LYPD4: variants seen among roughly 807,000 people sequenced by gnomAD.
LYPD4 encodes the protein ly6/PLAUR domain-containing protein 4.
Under a neutral mutation model 18.2 loss-of-function variants are expected in LYPD4, and 20 were observed. That is an observed-to-expected ratio of 1.10 (90% confidence interval 0.77 to 1.59). The LOEUF (loss-of-function observed/expected upper bound fraction) is 1.59, where lower values mean the gene tolerates loss of function less well. Ranked by LOEUF, LYPD4 falls within the 40% of genes most tolerant of loss-of-function variation. The pLI, the probability that LYPD4 is intolerant of heterozygous loss-of-function variation, is 0.00. For missense variants in LYPD4, 278 were observed against 300.3 expected, an observed-to-expected ratio of 0.93 and a Z score of 0.55; for synonymous variants, 111 against 118.3, an observed-to-expected ratio of 0.94 and a Z score of 0.40.
chr19:41,838,772 T>C lies in LYPD4; in HGVS notation c.211+109A>G, dbSNP rs572686732. 116 of 745,324 alleles carry C rather than the reference T, an allele frequency of 1.6e-4. 1 individual carries two copies. In the South Asian group the frequency reaches 2.1e-3, roughly 13 times the overall value. 46.2% of individuals were successfully genotyped at this position (745,324 alleles called of 1,614,324 possible). On this transcript the variant is annotated intron_variant, in intron 3 of 4. Coordinates refer to ENST00000609812, the MANE Select transcript of LYPD4 (RefSeq NM_173506.7). Reference sequence around the variant, plus strand: ...AAATATATATACATATATATATATATGTATAGTAACTATGTGGAATTCTAA... The same window carrying C: ...AAATATATATACATATATATATATACGTATAGTAACTATGTGGAATTCTAA...
intron 1 of LYPD4, among the ~76,000 whole-genome samples, chr19:41,840,464 A>G (rs916007485): frequency 5.9e-5 from 9 of 152,204 alleles, no homozygotes; most frequent in Admixed American, 2.0e-4. Flanking sequence ...AACTGGAGGA[A>G]GGATCCAAGG....
rs782345244 is a variant in LYPD4, at chr19:41,838,141, C to T, written c.332G>A (p.Arg111Gln). Residue 111 changes from arginine (R) to glutamine (Q), a missense_variant, in exon 4 of 5, where the codon CGG (arginine) becomes CAG (glutamine). Transcript: ENST00000609812. ...VSIASYSRVC[R>Q]SYLCNNLTNL... is the part of the protein sequence containing the mutation. ...GGTGAGGTTGTTGCAGAGATAAGAC[C>T]GGCAGACGCGACTGTAGGAGGCAAT... 23 of 1,613,020 alleles carry T rather than the reference C, an allele frequency of 1.4e-5. No homozygotes were observed. Among genetic ancestry groups the T allele is most frequent in the Non-Finnish European group, 1.9e-5 (22 of 1,179,294 alleles).
rs782402902 is a variant in LYPD4, at chr19:41,840,762, G to A, written c.-120-1357C>T. Among the ~76,000 whole-genome samples, 10 of 151,918 alleles carry A rather than the reference G, an allele frequency of 6.6e-5. No homozygotes were observed. In the South Asian group the frequency reaches 8.3e-4, roughly 13 times the overall value. ...GGAGAATGGTGTGAACCCGGGAGGCGGAGCTTGCAGTGAGCCAAGATTGCG... is the reference window on the plus strand; with the variant it reads ...GGAGAATGGTGTGAACCCGGGAGGCAGAGCTTGCAGTGAGCCAAGATTGCG... On this transcript the variant is annotated intron_variant, in intron 1 of 4. Coordinates refer to ENST00000609812, the MANE Select transcript of LYPD4 (RefSeq NM_173506.7).
At chr19:41,840,111 C>G (rs2073530921) in intron 1 of LYPD4, among the ~76,000 whole-genome samples, 1 of 151,694 alleles carries the variant, frequency 6.6e-6, no homozygotes, top group African/African-American at 2.4e-5. Flanking sequence ...CACACACATT[C>G]ACACACAGAC....
At chr19:41,838,810 C>T (rs2073468887) in intron 3 of LYPD4, 71 bp downstream of exon 3, 7 of 1,447,440 alleles carry the variant, frequency 4.8e-6, no homozygotes, top group East Asian at 4.6e-5. Flanking sequence ...TACAGTCCCT[C>T]GGTGCTGGGA....
chr19:41,842,685 C>T (rs987025214), intron 1 of LYPD4, among the ~76,000 whole-genome samples: 2 of 142,080 alleles, frequency 1.4e-5, no homozygotes, highest in East Asian at 2.1e-4. Context: ...TGCTTGAACC[C>T]AGGAGGTGGA....
downstream of LYPD4, among the ~76,000 whole-genome samples, chr19:41,836,447 C>CT (rs141736913): frequency 6.0e-3 from 917 of 151,950 alleles, 8 homozygotes; most frequent in African/African-American, 0.021. Context: ...GTTTCACCTC[C>CT]TAGAGCTAGT....
chr19:41,841,284 G>A (rs1417551904), intron 1 of LYPD4, among the ~76,000 whole-genome samples: 1 of 151,744 alleles, frequency 6.6e-6, no homozygotes, highest in African/African-American at 2.4e-5. Context: ...TGCTTTGGGA[G>A]GCTGAGCCAG....
rs549358411 is a variant in LYPD4 at position 41,839,003 on chromosome 19, T to C, written c.89A>G (p.Tyr30Cys). 1.2e-6 allele frequency: 2 copies of C among 1,613,864 alleles called. No individual in the cohort carries two copies. The highest frequency in any genetic ancestry group is 2.7e-5 in the African/African-American group (2 of 74,992). ...TLPRAGALLC[Y>C]EATASRFRAV... Reference sequence around the variant, plus strand: ...TCTGAATCTTGAGGCTGTTGCTTCATAGCACAAAAGAGCTCCAGCCCCTAA... The same window carrying C: ...TCTGAATCTTGAGGCTGTTGCTTCACAGCACAAAAGAGCTCCAGCCCCTAA... The change falls in exon 3 of 5, where the codon TAT (tyrosine) becomes TGT (cysteine). Residue 30 changes from tyrosine (Y) to cysteine (C), a missense_variant. Coordinates refer to ENST00000609812, the MANE Select transcript of LYPD4 (RefSeq NM_173506.7).
intron 1 of LYPD4, among the ~76,000 whole-genome samples, chr19:41,840,110 T>A (rs1600553751): frequency 6.7e-6 from 1 of 149,604 alleles, no homozygotes; most frequent in African/African-American, 2.4e-5. Context: ...ACACACACAT[T>A]CACACACAGA....
At position 41,837,294 on chromosome 19, in the gene LYPD4, T is replaced by TG. The variant is rs1229785255; in HGVS notation, c.589dup (p.Gln197ProfsTer16). On this transcript the variant is annotated frameshift_variant, in exon 5 of 5. Transcript: ENST00000609812. LOFTEE classifies it low-confidence loss of function (END_TRUNC). ...AATATGATGAAAATCTGCTAAAAGC[T>TG]GGTTATGTTCACGAGCACACCCCAT... 9 of 1,613,924 alleles carry TG rather than the reference T, an allele frequency of 5.6e-6. No individual in the cohort carries two copies. Among genetic ancestry groups the TG allele is most frequent in the Non-Finnish European group, 7.6e-6 (9 of 1,179,950 alleles).
At chr19:41,836,964 C>G, downstream of LYPD4, 1 of 1,221,324 alleles carries the variant, frequency 8.2e-7, no homozygotes, top group Non-Finnish European at 1.1e-6. Context: ...CTGGGCAGGA[C>G]ACTGTCACTT....
chr19:41,844,448 G>A lies in LYPD4; in HGVS notation c.-991C>T, dbSNP rs2073769755. ...ATCACAACCGACACAAAGACAAGAA[G>A]AGACACAAGGAAAGGGGTGCAATCT... On this transcript the variant is annotated 5_prime_UTR_variant, in exon 1 of 5. Coordinates refer to ENST00000609812, the MANE Select transcript of LYPD4 (RefSeq NM_173506.7). The A allele has an allele frequency of 6.6e-6, 1 of 152,298 alleles. No homozygotes were observed. Among genetic ancestry groups the A allele is most frequent in the South Asian group, 2.1e-4 (1 of 4,826 alleles). 9.4% of individuals were successfully genotyped at this position (152,298 alleles called of 1,614,324 possible). A position where few individuals can be genotyped will look rare whatever the true frequency, so the allele number is the denominator to read the frequency against.
chr19:41,835,846 A>C, downstream of LYPD4: 1 of 985,398 alleles, frequency 1.0e-6, no homozygotes, highest in Non-Finnish European at 1.2e-6. Context: ...TGAGGAGTTA[A>C]GCCTGTGTCC....
chr19:41,844,547 G>A lies in LYPD4; in HGVS notation c.-1090C>T, dbSNP rs1210678039. The A allele has an allele frequency of 6.6e-6, 1 of 152,280 alleles. No individual in the cohort carries two copies. Among genetic ancestry groups the A allele is most frequent in the Non-Finnish European group, 1.5e-5 (1 of 68,100 alleles). The allele number at this position is 152,280 out of a possible 1,614,324, so 9.4% of individuals were successfully genotyped here. On this transcript the variant is annotated 5_prime_UTR_variant, in exon 1 of 5. Coordinates refer to ENST00000609812, the MANE Select transcript of LYPD4 (RefSeq NM_173506.7). ...GAACGCATAAAAGAAGGGTAGCTCA[G>A]GAGTTGTGGGGCACCGGAAGAGACA... is the stretch of plus-strand genomic sequence containing the variant.
Position 41,839,330 on chromosome 19 carries a change from A to T in LYPD4, c.-45T>A. 6.3e-7 allele frequency: 1 copy of T among 1,575,150 alleles called. No individual in the cohort carries two copies. Among genetic ancestry groups the T allele is most frequent in the Non-Finnish European group, 8.7e-7 (1 of 1,144,614 alleles). On this transcript the variant is annotated 5_prime_UTR_variant, in exon 2 of 5. Coordinates refer to ENST00000609812, the MANE Select transcript of LYPD4 (RefSeq NM_173506.7). ...GGGTGCTAGAGGTCAGTCTGGAATC[A>T]GTTTCAGTCTGGATCCCAAGCTCAG...
chr19:41,841,336 C>T (rs2073582154), intron 1 of LYPD4, among the ~76,000 whole-genome samples: 1 of 150,638 alleles, frequency 6.6e-6, no homozygotes, highest in Admixed American at 6.6e-5. Context: ...CTGGGCAACA[C>T]CTTGTCTATA....
In LYPD4 at chr19:41,839,406, C is replaced by G. The variant is rs967865343; in HGVS notation, c.-120-1G>C. 4.3e-6 allele frequency: 4 copies of G among 937,244 alleles called. No homozygotes were observed. Among genetic ancestry groups the G allele is most frequent in the African/African-American group, 1.6e-5 (1 of 61,184 alleles). 58.1% of individuals were successfully genotyped at this position (937,244 alleles called of 1,614,324 possible). On this transcript the variant is annotated splice_acceptor_variant, in intron 1 of 4. Coordinates refer to ENST00000609812, the MANE Select transcript of LYPD4 (RefSeq NM_173506.7). LOFTEE classifies it low-confidence loss of function (5UTR_SPLICE). ...TCCACCTGTCTCTGGGTCACTGTTT[C>G]TGGAGCAGAAAGTTGATTGCATCAG...
chr19:41,839,147 C>A, intron 2 of LYPD4, 72 bp downstream of exon 2: 1 of 1,613,188 alleles, frequency 6.2e-7, no homozygotes, highest in African/African-American at 1.3e-5. Context: ...ACCCAGCCCT[C>A]GTTCCACCAG....
Sources: gnomAD v4.1 joint callset for allele counts (sites outside exome capture counted in the v4.1 genomes callset) on GRCh38, gnomAD v4.1.1 for gene constraint, MANE v1.5 for transcripts, NCBI Gene and HGNC (gene_info 2026-07-23, HGNC 2026-07-21) for gene names.